WWOX: variants seen among roughly 807,000 people sequenced by gnomAD.
The protein encoded by WWOX is WW domain containing oxidoreductase, also known as WW domain-containing oxidoreductase.
WWOX carries 69 observed loss-of-function variants against 46.2 expected under a neutral mutation model. That is an observed-to-expected ratio of 1.49 (90% CI 1.23 to 1.82). The LOEUF (loss-of-function observed/expected upper bound fraction) is 1.82. Ranked by LOEUF, WWOX falls within the 40% of genes most tolerant of loss-of-function variation. WWOX has a pLI of 0.00. For synonymous variants in WWOX, 359 were observed against 202.6 expected, an observed-to-expected ratio of 1.77 and a Z score of -6.56; for missense variants, 919 against 542.6, an observed-to-expected ratio of 1.69 and a Z score of -6.89.
At chr16:79,022,407 C>A (rs957645449) in intron 8 of WWOX, among the ~76,000 whole-genome samples, 11 of 142,944 alleles carry the variant, frequency 7.7e-5, no homozygotes, top group African/African-American at 2.9e-4. Context: ...TCTGTTATTT[C>A]TTGGACATGC....
chr16:78,234,927 C>G (rs985344899), intron 5 of WWOX, among the ~76,000 whole-genome samples: 1 of 151,442 alleles, frequency 6.6e-6, no homozygotes, highest in African/African-American at 2.4e-5. Context: ...TTTTTTCTAA[C>G]TGAGGGATTA....
chr16:78,648,810 T>A (rs1254116564), intron 8 of WWOX, among the ~76,000 whole-genome samples: 5 of 152,320 alleles, frequency 3.3e-5, no homozygotes, highest in African/African-American at 1.2e-4. Flanking sequence ...TGATGGTGGC[T>A]GACTGCCTGG....
At chr16:78,307,521 C>G (rs1163027445) in intron 5 of WWOX, among the ~76,000 whole-genome samples, 2 of 152,152 alleles carry the variant, frequency 1.3e-5, no homozygotes, top group African/African-American at 4.8e-5. Context: ...TGGCTTCTAG[C>G]CCCTGAAAGA....
At chr16:79,163,243 A>C (rs1240815466) in intron 8 of WWOX, among the ~76,000 whole-genome samples, 1 of 152,178 alleles carries the variant, frequency 6.6e-6, no homozygotes, top group Non-Finnish European at 1.5e-5. Flanking sequence ...AGTGAGAAAG[A>C]GACCAGAGAA....
intron 8 of WWOX, among the ~76,000 whole-genome samples, chr16:78,548,710 G>A (rs2044107004): frequency 6.6e-6 from 1 of 152,112 alleles, no homozygotes; most frequent in Non-Finnish European, 1.5e-5. Flanking sequence ...ATTAATTTTG[G>A]AGATGAAATT....
Position 79,055,087 on chromosome 16 carries a change from A to G in WWOX, c.1057-156521A>G, listed in dbSNP as rs115166926. On this transcript the variant is annotated intron_variant, in intron 8 of 8. Coordinates refer to ENST00000566780, the MANE Select transcript of WWOX (RefSeq NM_016373.4). ...ATGGTATAAATGTTCAATAATAGCC[A>G]GTGAATATAAAACTAAATAATCCAT... Among the ~76,000 whole-genome samples the G allele has an allele frequency of 8.8e-3, 1,346 of 152,322 alleles. 12 individuals carry two copies. The highest frequency in any genetic ancestry group is 0.031 in the African/African-American group (1,274 of 41,558).
intron 8 of WWOX, among the ~76,000 whole-genome samples, chr16:78,943,431 A>G (rs960949206): frequency 2.0e-5 from 3 of 152,184 alleles, no homozygotes; most frequent in African/African-American, 7.2e-5. Flanking sequence ...CCAGACCTGG[A>G]GAACTCCTAG....
At chr16:78,605,143 C>A (rs1467704974) in intron 8 of WWOX, among the ~76,000 whole-genome samples, 1 of 148,964 alleles carries the variant, frequency 6.7e-6, no homozygotes, top group Non-Finnish European at 1.5e-5. Flanking sequence ...TTTTTTTTCT[C>A]TACTAGACCT....
chr16:78,578,055 A>G (rs2044934294), intron 8 of WWOX, among the ~76,000 whole-genome samples: 1 of 151,648 alleles, frequency 6.6e-6, no homozygotes, highest in Admixed American at 6.6e-5. Flanking sequence ...TTTATAAAAT[A>G]TTTGGGGAAC....
chr16:79,065,425 A>T (rs2048423734), intron 8 of WWOX, among the ~76,000 whole-genome samples: 1 of 152,212 alleles, frequency 6.6e-6, no homozygotes. Flanking sequence ...TTGGTTGGGG[A>T]TGAAATCATT....
At chr16:79,054,142 T>G (rs1035434126) in intron 8 of WWOX, among the ~76,000 whole-genome samples, 1 of 152,260 alleles carries the variant, frequency 6.6e-6, no homozygotes, top group Non-Finnish European at 1.5e-5. Flanking sequence ...CAATGTTGGC[T>G]GTGGTTAGGC....
chr16:78,755,059 G>C (rs1318434880), intron 8 of WWOX, among the ~76,000 whole-genome samples: 2 of 140,718 alleles, frequency 1.4e-5, no homozygotes, highest in African/African-American at 2.6e-5. Context: ...GGGGTAGGGG[G>C]AAAGGGGAGG....
intron 8 of WWOX, among the ~76,000 whole-genome samples, chr16:78,720,230 G>C (rs757255919): frequency 5.9e-5 from 9 of 152,030 alleles, no homozygotes; most frequent in Non-Finnish European, 8.8e-5. Context: ...ACTGTGATTC[G>C]TCTGATAGAC....
intron 8 of WWOX, among the ~76,000 whole-genome samples, chr16:78,860,641 T>C (rs1038829316): frequency 1.2e-4 from 19 of 152,158 alleles, no homozygotes; most frequent in African/African-American, 4.6e-4. Flanking sequence ...AATAAATACT[T>C]CATATAAGTT....
chr16:78,762,352 C>T (rs1227246253), intron 8 of WWOX, among the ~76,000 whole-genome samples: 2 of 152,148 alleles, frequency 1.3e-5, no homozygotes, highest in Non-Finnish European at 2.9e-5. Flanking sequence ...CTGACTGACC[C>T]CAGGCCTGCT....
intron 8 of WWOX, among the ~76,000 whole-genome samples, chr16:79,121,522 T>A (rs1385091222): frequency 6.6e-6 from 1 of 152,166 alleles, no homozygotes; most frequent in Admixed American, 6.5e-5. Context: ...GATGGGTACA[T>A]AGACACTCGT....
chr16:78,850,196 A>T (rs1391168915), intron 8 of WWOX, among the ~76,000 whole-genome samples: 2 of 152,154 alleles, frequency 1.3e-5, no homozygotes, highest in Non-Finnish European at 2.9e-5. Flanking sequence ...AGAGAAAACA[A>T]TAAAAAAATA....
At chr16:78,996,128 G>A in intron 8 of WWOX, 1 of 887,968 alleles carries the variant, frequency 1.1e-6, no homozygotes, top group South Asian at 5.3e-5. Context: ...AGTCAGCTCA[G>A]GCGTAGAATG....
intron 8 of WWOX, among the ~76,000 whole-genome samples, chr16:78,807,184 A>G (rs534715820): frequency 2.0e-5 from 3 of 152,202 alleles, no homozygotes; most frequent in Non-Finnish European, 4.4e-5. Context: ...GTCCTAATCT[A>G]TGTCACTGAG....
Sources: gnomAD v4.1 joint callset for allele counts (sites outside exome capture counted in the v4.1 genomes callset) on GRCh38, gnomAD v4.1.1 for gene constraint, MANE v1.5 for transcripts, NCBI Gene and HGNC (gene_info 2026-07-23, HGNC 2026-07-21) for gene names.